Variants in EVA1A observed in about 807,000 individuals in gnomAD.
The protein encoded by EVA1A is protein eva-1 homolog A.
A neutral mutation model predicts 9.8 loss-of-function variants in EVA1A; 7 were observed. The observed-to-expected ratio is 0.71, with a 90% CI of 0.41 to 1.34. The LOEUF is 1.34. EVA1A is among the 40% of genes most tolerant of loss of function. The pLI is 0.01. For synonymous variants in EVA1A, 90 were observed against 85.6 expected, an observed-to-expected ratio of 1.05 and a Z score of -0.28; for missense variants, 206 against 205.9, an observed-to-expected ratio of 1.00 and a Z score of 0.00.
intron 3 of EVA1A, among the ~76,000 whole-genome samples, chr2:75,506,657 A>G (rs1045875570): frequency 2.6e-5 from 4 of 152,212 alleles, no homozygotes; most frequent in Admixed American, 6.5e-5. Context: ...TCCATGATAC[A>G]TCTTTCTGGA....
chr2:75,518,608 C>T, intron 2 of EVA1A: 1 of 989,346 alleles, frequency 1.0e-6, no homozygotes. Context: ...TGCCCTGTAT[C>T]TTCCTAATTC....
chr2:75,513,146 T>C (rs982826582), intron 3 of EVA1A, among the ~76,000 whole-genome samples: 2 of 152,204 alleles, frequency 1.3e-5, no homozygotes, highest in Admixed American at 6.5e-5. Context: ...TATTGGCCCC[T>C]ACATTTTTTA....
chr2:75,567,680 C>T (rs2104010919), intron 1 of EVA1A, among the ~76,000 whole-genome samples: 1 of 152,328 alleles, frequency 6.6e-6, no homozygotes, highest in East Asian at 1.9e-4. Context: ...AATTCTAGAA[C>T]ACGGTTTCCT....
Position 75,538,773 on chromosome 2 carries a change from C to T in EVA1A, c.-191-16286G>A, listed in dbSNP as rs185129577. Reference sequence around the variant, plus strand: ...TGCATATTGTATGATTTCATTTATACAACATTCTTGAAATGACAAAATTAT... The same window carrying T: ...TGCATATTGTATGATTTCATTTATATAACATTCTTGAAATGACAAAATTAT... On this transcript the variant is annotated intron_variant, in intron 1 of 3. Transcript: ENST00000393913. Among the ~76,000 whole-genome samples the T allele has an allele frequency of 1.6e-4, 24 of 152,254 alleles. No individual in the cohort carries two copies. The East Asian group carries it at 4.4e-3, about 28-fold the overall frequency.
chr2:75,492,461 A>G lies in EVA1A; in HGVS notation c.*775T>C, dbSNP rs1209419239. On this transcript the variant is annotated 3_prime_UTR_variant, in exon 4 of 4. Coordinates refer to ENST00000393913, the MANE Select transcript of EVA1A (RefSeq NM_001135032.2). The stretch of plus-strand genomic sequence containing the variant: ...TTTAAAATCACAATTATCTAGAGTC[A>G]TAATAAAATTTTCTTGTCTCCAAAG... 2.0e-5 allele frequency: 3 copies of G among 151,862 alleles called. No homozygotes were observed. The highest frequency in any genetic ancestry group is 2.9e-5 in the Non-Finnish European group (2 of 67,952). 9.4% of individuals were successfully genotyped at this position (151,862 alleles called of 1,614,324 possible).
intron 3 of EVA1A, among the ~76,000 whole-genome samples, chr2:75,510,225 T>C (rs1180769081): frequency 6.6e-6 from 1 of 152,164 alleles, no homozygotes; most frequent in Admixed American, 6.5e-5. Flanking sequence ...CCATAAATGT[T>C]TTGTGCATAT....
chr2:75,559,904 A>T lies in EVA1A; in HGVS notation c.-192+776T>A, dbSNP rs577152305. On this transcript the variant is annotated intron_variant, in intron 1 of 3. Transcript: ENST00000393913. ...AAGAGTCCCTACACACAGGCTTGTT[A>T]TGAGAACTCAGGCAGTTAATAAGAA... Among the ~76,000 whole-genome samples the T allele has an allele frequency of 6.0e-4, 91 of 152,192 alleles. 1 individual carries two copies. In the South Asian group the frequency reaches 0.017, roughly 28 times the overall value.
chr2:75,539,656 C>T (rs1377395944), intron 1 of EVA1A, among the ~76,000 whole-genome samples: 1 of 152,028 alleles, frequency 6.6e-6, no homozygotes, highest in Non-Finnish European at 1.5e-5. Context: ...ATAATGAAGT[C>T]AAGAGTACAA....
At chr2:75,495,012 A>G (rs1674157563) in intron 3 of EVA1A, among the ~76,000 whole-genome samples, 1 of 152,034 alleles carries the variant, frequency 6.6e-6, no homozygotes, top group South Asian at 2.1e-4. Context: ...CATTCTAGGT[A>G]CCTACGAGGA....
intron 1 of EVA1A, chr2:75,558,818 T>C (rs1283626164): frequency 6.6e-6 from 1 of 152,198 alleles, no homozygotes; most frequent in East Asian, 1.9e-4. Context: ...TTTTATTCTG[T>C]AAAGACAGTG....
At chr2:75,494,310 A>C (rs554929716) in intron 3 of EVA1A, among the ~76,000 whole-genome samples, 1 of 152,354 alleles carries the variant, frequency 6.6e-6, no homozygotes, top group East Asian at 1.9e-4. Context: ...TTAAGTATGC[A>C]TGCACGGACT....
intron 1 of EVA1A, among the ~76,000 whole-genome samples, chr2:75,568,879 G>C (rs933986347): frequency 2.0e-5 from 3 of 152,146 alleles, no homozygotes; most frequent in African/African-American, 7.2e-5. Flanking sequence ...ACTTAAATAT[G>C]CAAAGATATG....
upstream of EVA1A, among the ~76,000 whole-genome samples, chr2:75,562,499 T>C (rs769011762): frequency 9.9e-5 from 15 of 152,254 alleles, no homozygotes; most frequent in Non-Finnish European, 2.1e-4. Context: ...TCCACTCTCA[T>C]GCAGAGGCAA....
At chr2:75,498,291 G>T (rs1271404981) in intron 3 of EVA1A, among the ~76,000 whole-genome samples, 4 of 118,080 alleles carry the variant, frequency 3.4e-5, no homozygotes, top group African/African-American at 6.4e-5. Context: ...GGTAAACGTG[G>T]ACATAAAGAA....
At chr2:75,495,212 A>G (rs1042620265) in intron 3 of EVA1A, among the ~76,000 whole-genome samples, 1 of 152,226 alleles carries the variant, frequency 6.6e-6, no homozygotes, top group Non-Finnish European at 1.5e-5. Context: ...TCTTGTTCTC[A>G]GAATGCACCT....
intron 1 of EVA1A, among the ~76,000 whole-genome samples, chr2:75,568,632 T>C (rs1295813621): frequency 3.3e-5 from 5 of 152,040 alleles, no homozygotes; most frequent in African/African-American, 4.8e-5. Context: ...CCCCCTCAAG[T>C]CCCCAAAATT....
intron 1 of EVA1A, among the ~76,000 whole-genome samples, chr2:75,529,811 C>T (rs142037631): frequency 6.3e-4 from 96 of 152,196 alleles, no homozygotes; most frequent in African/African-American, 2.2e-3. Flanking sequence ...CTCAAATAGA[C>T]AATCTAAGGT....
At chr2:75,557,077 T>G (rs976267889) in intron 1 of EVA1A, among the ~76,000 whole-genome samples, 5 of 152,142 alleles carry the variant, frequency 3.3e-5, no homozygotes, top group African/African-American at 9.7e-5. Context: ...CCAGGTTAGG[T>G]GACCTCACCC....
At chr2:75,556,714 A>T (rs562537612) in intron 1 of EVA1A, among the ~76,000 whole-genome samples, 31 of 152,094 alleles carry the variant, frequency 2.0e-4, no homozygotes, top group Non-Finnish European at 3.8e-4. Flanking sequence ...CAATTTTTCC[A>T]CGGATAGGGG....
Sources: gnomAD v4.1 joint callset for allele counts (sites outside exome capture counted in the v4.1 genomes callset) on GRCh38, gnomAD v4.1.1 for gene constraint, MANE v1.5 for transcripts, NCBI Gene and HGNC (gene_info 2026-07-23, HGNC 2026-07-21) for gene names.